SGCD: variants seen among roughly 807,000 people sequenced by gnomAD.
SGCD encodes delta-sarcoglycan.
SGCD carries 18 observed loss-of-function variants against 36.6 expected under a neutral mutation model. The observed-to-expected ratio is 0.49, with a 90% CI of 0.34 to 0.73. SGCD has a LOEUF of 0.73. Among genes scored for constraint, SGCD ranks in the 30% least tolerant of loss-of-function variants. SGCD has a pLI of 0.01. For synonymous variants in SGCD, 133 were observed against 130.6 expected, an observed-to-expected ratio of 1.02 and a Z score of -0.12; for missense variants, 387 against 346.7, an observed-to-expected ratio of 1.12 and a Z score of -0.92.
intron 4 of SGCD, among the ~76,000 whole-genome samples, chr5:156,577,014 T>C (rs1759989603): frequency 6.6e-6 from 1 of 152,182 alleles, no homozygotes. Flanking sequence ...CTGAATCGTA[T>C]TGCCTAGGTT....
intron 7 of SGCD, among the ~76,000 whole-genome samples, chr5:156,731,568 G>A (rs375500910): frequency 4.3e-4 from 65 of 150,904 alleles, no homozygotes; most frequent in African/African-American, 1.4e-3. Flanking sequence ...TCTTATTTCT[G>A]GGTTTTCTAT....
At chr5:155,787,080 G>A in the SGCD span, among the ~76,000 whole-genome samples, 12 of 152,288 alleles carry the variant, frequency 7.9e-5, no homozygotes, top group East Asian at 1.7e-3. Context: ...GCAGATTTGC[G>A]TGGCTGGTTA....
chr5:156,453,961 G>A (rs1222677103), intron 3 of SGCD, among the ~76,000 whole-genome samples: 6 of 152,146 alleles, frequency 3.9e-5, no homozygotes, highest in Non-Finnish European at 8.8e-5. Flanking sequence ...AATGGTGATG[G>A]GAGAGAATGT....
At chr5:155,832,716 TTGAGTGAG>T in the SGCD span, among the ~76,000 whole-genome samples, 2 of 152,018 alleles carry the variant, frequency 1.3e-5, no homozygotes, top group East Asian at 1.9e-4. Flanking sequence ...AAAAAAATTG[TTGAGTGAG>T]TGAGTGAAAC....
rs76599030 is a variant in SGCD at position 156,530,697 on chromosome 5, A to G, written c.294+21995A>G. On this transcript the variant is annotated intron_variant, in intron 4 of 8. Transcript: ENST00000337851. Reference sequence around the variant, plus strand: ...CTGGTTCAAGCAACTCTTCTGCCTCAGCCTCTTGAGTAACTAGGATTACAG... The same window carrying G: ...CTGGTTCAAGCAACTCTTCTGCCTCGGCCTCTTGAGTAACTAGGATTACAG... Among the ~76,000 whole-genome samples, 157 of 151,656 alleles carry G rather than the reference A, an allele frequency of 1.0e-3. 2 individuals are homozygous for G. The East Asian group carries it at 0.02, about 19-fold the overall frequency.
In SGCD at chr5:156,757,688, A is replaced by C. The variant is rs2113178162; in HGVS notation, c.683A>C (p.Glu228Ala). Reference sequence around the variant, plus strand: ...ACCTGCAGGACAGAGCTGAGACTGGAATCCAAAGATGGAGAGGTGAGGGAT... The same window carrying C: ...ACCTGCAGGACAGAGCTGAGACTGGCATCCAAAGATGGAGAGGTGAGGGAT... Reference protein sequence around the residue: ...EATCRTELRLESKDGEIKLDA... With the variant: ...EATCRTELRLASKDGEIKLDA... Residue 228 changes from glutamate to alanine, a missense_variant, in exon 8 of 9, where the codon GAA (glutamate) becomes GCA (alanine). By Grantham distance (107) the Glu-to-Ala change is moderately radical. Transcript: ENST00000337851. 6.2e-7 allele frequency: 1 copy of C among 1,606,364 alleles called. No homozygotes were observed. Among genetic ancestry groups the C allele is most frequent in the African/African-American group, 1.3e-5 (1 of 74,888 alleles).
upstream of SGCD, among the ~76,000 whole-genome samples, chr5:156,322,515 A>T (rs992316147): frequency 6.6e-6 from 1 of 152,224 alleles, no homozygotes; most frequent in African/African-American, 2.4e-5. Context: ...ACAAATATGT[A>T]TATACAACTA....
chr5:156,382,613 G>A (rs569238741), intron 3 of SGCD, among the ~76,000 whole-genome samples: 16 of 152,004 alleles, frequency 1.1e-4, no homozygotes, highest in Non-Finnish European at 2.1e-4. Flanking sequence ...TAAAAATCAG[G>A]GACACGTGTG....
chr5:155,998,123 T>A (rs1043293609), intron 1 of SGCD, among the ~76,000 whole-genome samples: 10 of 152,248 alleles, frequency 6.6e-5, no homozygotes, highest in Non-Finnish European at 1.5e-4. Context: ...AGATGCTGGA[T>A]GCTTTTAATA....
intron 2 of SGCD, among the ~76,000 whole-genome samples, chr5:156,119,821 A>G (rs1190641509): frequency 6.6e-6 from 1 of 152,072 alleles, no homozygotes; most frequent in East Asian, 1.9e-4. Context: ...ATCATTTTTA[A>G]CACAACCTAA....
chr5:156,438,220 G>T (rs1437923984), intron 3 of SGCD, among the ~76,000 whole-genome samples: 1 of 152,174 alleles, frequency 6.6e-6, no homozygotes, highest in South Asian at 2.1e-4. Flanking sequence ...GCCTCTAAAA[G>T]GAGGTTTGTA....
intron 1 of SGCD, among the ~76,000 whole-genome samples, chr5:156,102,389 A>G (rs1018664070): frequency 2.6e-5 from 4 of 152,138 alleles, no homozygotes; most frequent in African/African-American, 7.2e-5. Flanking sequence ...CATGTGGGAG[A>G]ATGTGCAATA....
At chr5:156,609,607 G>A (rs1373343114) in intron 6 of SGCD, among the ~76,000 whole-genome samples, 1 of 152,124 alleles carries the variant, frequency 6.6e-6, no homozygotes, top group Non-Finnish European at 1.5e-5. Flanking sequence ...GCTAGATTGG[G>A]GAAGTTCTCC....
At chr5:156,675,207 A>G (rs1561851079) in intron 7 of SGCD, among the ~76,000 whole-genome samples, 1 of 152,202 alleles carries the variant, frequency 6.6e-6, no homozygotes, top group Non-Finnish European at 1.5e-5. Context: ...GGACAAGAAC[A>G]GCACCAACCT....
intron 3 of SGCD, among the ~76,000 whole-genome samples, chr5:156,396,749 T>G (rs1189469035): frequency 1.3e-5 from 2 of 152,172 alleles, no homozygotes; most frequent in African/African-American, 2.4e-5. Flanking sequence ...CCTGACATCT[T>G]AGTATATGGC....
the SGCD span, among the ~76,000 whole-genome samples, chr5:155,827,095 G>A: frequency 6.6e-6 from 1 of 152,176 alleles, no homozygotes; most frequent in South Asian, 2.1e-4. Context: ...AGCCATCCCA[G>A]TTTGCCTTGG....
chr5:156,489,654 CA>C (rs1221413219), intron 3 of SGCD, among the ~76,000 whole-genome samples: 1 of 151,810 alleles, frequency 6.6e-6, no homozygotes, highest in African/African-American at 2.4e-5. Flanking sequence ...TTAAGAAAAT[CA>C]AAAACATTTT....
intron 1 of SGCD, among the ~76,000 whole-genome samples, chr5:155,892,177 G>A (rs926561545): frequency 6.6e-6 from 1 of 152,084 alleles, no homozygotes. Context: ...GAATGAAGCG[G>A]CCAGGCACAG....
chr5:156,384,710 G>A (rs1049586822), intron 3 of SGCD, among the ~76,000 whole-genome samples: 2 of 152,174 alleles, frequency 1.3e-5, no homozygotes, highest in Non-Finnish European at 2.9e-5. Flanking sequence ...GGTATCAGAT[G>A]TGATTTGGGG....
Sources: allele counts gnomAD v4.1 joint callset (sites outside exome capture counted in the v4.1 genomes callset), GRCh38; gene constraint gnomAD v4.1.1; transcripts MANE v1.5; gene names NCBI Gene and HGNC (gene_info 2026-07-23, HGNC 2026-07-21).